Variants in RABGAP1L observed in about 807,000 individuals in gnomAD.
The protein encoded by RABGAP1L is rab GTPase-activating protein 1-like.
Under a neutral mutation model 137.7 loss-of-function variants are expected in RABGAP1L, and 63 were observed. The observed-to-expected ratio is 0.46, with a 90% CI of 0.37 to 0.56. The LOEUF is 0.56. Among genes scored for constraint, RABGAP1L ranks in the 20% least tolerant of loss-of-function variants. The pLI is 0.00. For synonymous variants in RABGAP1L, 431 were observed against 433.7 expected (o/e 0.99, Z 0.08); for missense variants, 1,095 against 1,244.0 (o/e 0.88, Z 1.80).
At chr1:174,218,323 G>C (rs1669494992) in intron 1 of RABGAP1L, among the ~76,000 whole-genome samples, 1 of 152,046 alleles carries the variant, frequency 6.6e-6, no homozygotes, top group Non-Finnish European at 1.5e-5. Flanking sequence ...AGAAGTGCAG[G>C]CTACTTGTTT....
intron 1 of RABGAP1L, among the ~76,000 whole-genome samples, chr1:174,194,931 G>T (rs530750237): frequency 1.4e-4 from 21 of 152,176 alleles, no homozygotes; most frequent in African/African-American, 4.6e-4. Flanking sequence ...CCCTAATATG[G>T]TGTGAATTGA....
At chr1:174,764,811 C>T (rs1322081789) in intron 18 of RABGAP1L, among the ~76,000 whole-genome samples, 1 of 152,120 alleles carries the variant, frequency 6.6e-6, no homozygotes, top group African/African-American at 2.4e-5. Flanking sequence ...CAGTTCCTTG[C>T]CAGCCTGTGT....
chr1:174,712,506 A>G (rs1680635710), intron 17 of RABGAP1L, among the ~76,000 whole-genome samples: 1 of 151,890 alleles, frequency 6.6e-6, no homozygotes, highest in African/African-American at 2.4e-5. Flanking sequence ...TAAGGAAGAA[A>G]CTCCAGACAC....
intron 13 of RABGAP1L, among the ~76,000 whole-genome samples, chr1:174,420,072 C>T (rs1315891947): frequency 6.6e-6 from 1 of 152,066 alleles, no homozygotes; most frequent in Non-Finnish European, 1.5e-5. Context: ...GTTTCCCATT[C>T]CTTCTCTCGG....
chr1:174,584,315 T>A (rs1668957214), intron 13 of RABGAP1L, among the ~76,000 whole-genome samples: 1 of 152,208 alleles, frequency 6.6e-6, no homozygotes, highest in South Asian at 2.1e-4. Context: ...AGCCAAAGTC[T>A]ATAAAGAATG....
At chr1:174,784,221 G>A (rs188106075) in intron 18 of RABGAP1L, among the ~76,000 whole-genome samples, 133 of 151,522 alleles carry the variant, frequency 8.8e-4, no homozygotes, top group Non-Finnish European at 1.3e-3. Context: ...GAGTTTCACC[G>A]TGTTAGCCAG....
intron 13 of RABGAP1L, among the ~76,000 whole-genome samples, chr1:174,621,925 A>T (rs549832846): frequency 3.9e-5 from 6 of 152,182 alleles, no homozygotes; most frequent in African/African-American, 1.4e-4. Flanking sequence ...CAACCTACAA[A>T]ATGGGAGAAA....
chr1:174,450,942 T>G (rs1284938086), intron 13 of RABGAP1L, among the ~76,000 whole-genome samples: 1 of 152,184 alleles, frequency 6.6e-6, no homozygotes, highest in Non-Finnish European at 1.5e-5. Flanking sequence ...GTAGAAATGT[T>G]GTCATTTTAT....
At chr1:174,341,855 A>T (rs1682001999) in intron 11 of RABGAP1L, among the ~76,000 whole-genome samples, 1 of 152,174 alleles carries the variant, frequency 6.6e-6, no homozygotes, top group Non-Finnish European at 1.5e-5. Flanking sequence ...AAAAAGTTAC[A>T]CACTGATACT....
chr1:174,219,630 T>TAA (rs1669603337), intron 2 of RABGAP1L, among the ~76,000 whole-genome samples: 1 of 152,200 alleles, frequency 6.6e-6, no homozygotes, highest in South Asian at 2.1e-4. Flanking sequence ...GTTAATTAAA[T>TAA]GTTTTGCTTT....
intron 24 of RABGAP1L, among the ~76,000 whole-genome samples, chr1:174,984,503 G>A (rs1163228773): frequency 6.6e-6 from 1 of 152,212 alleles, no homozygotes; most frequent in Non-Finnish European, 1.5e-5. Context: ...CACTTTGGGA[G>A]GCTGAGGTGG....
chr1:174,616,232 G>T (rs1394834304), intron 13 of RABGAP1L, among the ~76,000 whole-genome samples: 2 of 152,128 alleles, frequency 1.3e-5, no homozygotes, highest in Non-Finnish European at 2.9e-5. Context: ...GCCCCCCGTT[G>T]GTATGCGGTT....
intron 17 of RABGAP1L, among the ~76,000 whole-genome samples, chr1:174,720,927 C>T (rs1039670860): frequency 6.6e-6 from 1 of 152,150 alleles, no homozygotes; most frequent in Non-Finnish European, 1.5e-5. Context: ...TGAATTACAT[C>T]TCAATGTAAC....
chr1:174,620,517 C>T (rs1417061286), intron 13 of RABGAP1L, among the ~76,000 whole-genome samples: 1 of 152,158 alleles, frequency 6.6e-6, no homozygotes, highest in African/African-American at 2.4e-5. Context: ...AACTGAACAA[C>T]CTGCTCCTGA....
At chr1:174,318,589 T>C (rs182598525) in intron 11 of RABGAP1L, among the ~76,000 whole-genome samples, 4 of 127,870 alleles carry the variant, frequency 3.1e-5, no homozygotes, top group Non-Finnish European at 3.2e-5. Context: ...GTTTTCTTTC[T>C]TTCTTTCTTT....
At chr1:174,281,283 A>ACTGATTGGTCCATTTTACAGAGCG (rs1558095914) in intron 10 of RABGAP1L, among the ~76,000 whole-genome samples, 2 of 151,632 alleles carry the variant, frequency 1.3e-5, no homozygotes, top group Non-Finnish European at 2.9e-5. Flanking sequence ...TTTACAGAGC[A>ACTGATTGGTCCATTTTACAGAGCG]CTGATTGGTC....
intron 4 of RABGAP1L, among the ~76,000 whole-genome samples, chr1:174,232,195 T>G (rs922121386): frequency 2.6e-5 from 4 of 152,174 alleles, no homozygotes; most frequent in African/African-American, 9.7e-5. Context: ...TTACCTCAGC[T>G]GAACCTTTAG....
intron 12 of RABGAP1L, among the ~76,000 whole-genome samples, chr1:174,378,561 T>C (rs1288710380): frequency 6.6e-6 from 1 of 152,084 alleles, no homozygotes; most frequent in Non-Finnish European, 1.5e-5. Context: ...TTTTCATGTG[T>C]TTTTTGGCTG....
At chr1:174,550,826 T>C (rs371539459) in intron 13 of RABGAP1L, among the ~76,000 whole-genome samples, 2 of 138,170 alleles carry the variant, frequency 1.4e-5, no homozygotes, top group African/African-American at 5.6e-5. Flanking sequence ...GAAATCATCC[T>C]GGCTAACACG....
Sources: gnomAD v4.1 joint callset for allele counts (sites outside exome capture counted in the v4.1 genomes callset) on GRCh38, gnomAD v4.1.1 for gene constraint, MANE v1.5 for transcripts, NCBI Gene and HGNC (gene_info 2026-07-23, HGNC 2026-07-21) for gene names.